The following MYH11 variants were observed in gnomAD, a reference collection of about 807,000 sequenced individuals.
MYH11 encodes myosin heavy chain 11, also known as myosin-11.
A neutral mutation model predicts 246.6 loss-of-function variants in MYH11; 80 were observed. The observed-to-expected ratio is 0.32, with a 90% CI of 0.27 to 0.39. The LOEUF is 0.39. Among genes scored for constraint, MYH11 ranks in the 10% least tolerant of loss-of-function variants. MYH11 has a pLI of 1.00. For synonymous variants in MYH11, 1,071 were observed against 1,015.5 expected (o/e 1.05, Z -1.04); for missense variants, 2,158 against 2,546.8 (o/e 0.85, Z 3.29).
At chr16:15,812,140 G>C (rs780064746) in intron 3 of MYH11, among the ~76,000 whole-genome samples, 1 of 152,132 alleles carries the variant, frequency 6.6e-6, no homozygotes, top group South Asian at 2.1e-4. Flanking sequence ...GTGGTTGCCC[G>C]GTGTCACCGA....
At chr16:15,799,056 G>T (rs912209386) in intron 3 of MYH11, among the ~76,000 whole-genome samples, 1 of 152,304 alleles carries the variant, frequency 6.6e-6, no homozygotes, top group Middle Eastern at 3.4e-3. Flanking sequence ...CCACTTCTCC[G>T]CTCTGTGGCC....
rs1555457220 is a variant in MYH11 at position 15,823,242 on chromosome 16, T to G, written c.502+13A>C. ...CCCTGGAGCTGGCCCCGTGCAGCCC[T>G]GAGTTCACTCACCTTGAAGCATGCT... On this transcript the variant is annotated intron_variant, in intron 3 of 40. Transcript: ENST00000300036. 6.2e-7 allele frequency: 1 copy of G among 1,613,910 alleles called. No individual in the cohort carries two copies. Among genetic ancestry groups the G allele is most frequent in the Non-Finnish European group, 8.5e-7 (1 of 1,180,018 alleles).
In MYH11 at chr16:15,786,618, A is replaced by G. The variant is rs779500428; in HGVS notation, c.633+12T>C. 2.5e-6 allele frequency: 4 copies of G among 1,612,052 alleles called. No individual in the cohort carries two copies. The highest frequency in any genetic ancestry group is 2.2e-5 in the South Asian group (2 of 90,952). On this transcript the variant is annotated intron_variant, in intron 5 of 40. Transcript: ENST00000300036. ...GCTAAATCATGGCCTCTGATTGGGAACTGCCACTCACCGTGATACTTGTGT... is the reference window on the plus strand; with the variant it reads ...GCTAAATCATGGCCTCTGATTGGGAGCTGCCACTCACCGTGATACTTGTGT...
rs2040650658 is a variant in MYH11 at position 15,724,530 on chromosome 16, G to A, written c.4116+117C>T. On this transcript the variant is annotated intron_variant, in intron 30 of 40. Transcript: ENST00000300036. ...TCGTTGGAGAAACCCAATAGCAGGG[G>A]AAGCTGGGGGGTCAAGCACCATCGC... 2.1e-5 allele frequency: 34 copies of A among 1,606,326 alleles called. 2 individuals are homozygous for A. In the East Asian group the frequency reaches 7.1e-4, roughly 34 times the overall value.
chr16:15,780,741 C>T (rs2042333798), intron 6 of MYH11, among the ~76,000 whole-genome samples: 1 of 151,972 alleles, frequency 6.6e-6, no homozygotes, highest in African/African-American at 2.4e-5. Context: ...ACTCAGCCTC[C>T]CAAGGTGCTG....
rs138438263 is a variant in MYH11 at position 15,738,535 on chromosome 16, T to A, written c.3121+30A>T. ...CTCTAAAAAAAATAATAAAATAAAA[T>A]AAAAATAAATCTCTTGGTAGCTGGT... On this transcript the variant is annotated intron_variant, in intron 24 of 40. Coordinates refer to ENST00000300036, the MANE Select transcript of MYH11 (RefSeq NM_002474.3). 371 of 1,586,896 alleles carry A rather than the reference T, an allele frequency of 2.3e-4. No homozygotes were observed. In the African/African-American group the frequency reaches 4.2e-3, roughly 18 times the overall value.
chr16:15,805,724 C>T (rs1288091682), intron 3 of MYH11, among the ~76,000 whole-genome samples: 1 of 151,932 alleles, frequency 6.6e-6, no homozygotes, highest in East Asian at 1.9e-4. Context: ...CCAGCCTGGG[C>T]AACATGGTGA....
At chr16:15,754,844 A>AT (rs1053953422) in intron 14 of MYH11, among the ~76,000 whole-genome samples, 2 of 151,978 alleles carry the variant, frequency 1.3e-5, no homozygotes, top group Non-Finnish European at 2.9e-5. Context: ...TAATTTTTAA[A>AT]TTTTTTTTAT....
chr16:15,756,238 G>A (rs2041711807), intron 14 of MYH11, 103 bp downstream of exon 14: 11 of 1,352,616 alleles, frequency 8.1e-6, no homozygotes, highest in African/African-American at 1.5e-5. Context: ...TGGCTTTGCA[G>A]TTTCCAGGCA....
chr16:15,769,034 C>T (rs1043622644), intron 9 of MYH11, among the ~76,000 whole-genome samples: 2 of 150,926 alleles, frequency 1.3e-5, no homozygotes, highest in African/African-American at 2.4e-5. Flanking sequence ...AACCCCAGGC[C>T]AGGCACGGTG....
At chr16:15,834,451 G>C (rs9925792) in intron 2 of MYH11, among the ~76,000 whole-genome samples, 3,904 of 151,710 alleles carry the variant, frequency 0.026, 169 homozygotes, top group African/African-American at 0.089. Context: ...ACTTCAACCC[G>C]GGAGGTGGAG....
intron 38 of MYH11, among the ~76,000 whole-genome samples, chr16:15,716,050 G>C (rs559826713): frequency 6.6e-6 from 1 of 152,078 alleles, no homozygotes; most frequent in South Asian, 2.1e-4. Context: ...GCAGTGAGCT[G>C]AGATCGCACC....
intron 3 of MYH11, 28 bp from the exon 4 acceptor site, chr16:15,798,715 C>T: frequency 6.2e-7 from 1 of 1,612,606 alleles, no homozygotes. Context: ...AAAAAAGAGC[C>T]ATGAATTAAA....
At chr16:15,814,553 C>CAAAAAAAAAAAAAAAAAAAAAA (rs58806731) in intron 3 of MYH11, among the ~76,000 whole-genome samples, 1 of 22,826 alleles carries the variant, frequency 4.4e-5, no homozygotes, top group Non-Finnish European at 1.2e-4. Context: ...AACTCCATCT[C>CAAAAAAAAAAAAAAAAAAAAAA]AAAAAAAAAA....
chr16:15,715,319 C>T (rs750733022), intron 38 of MYH11, 47 bp from the exon 39 acceptor site: 10 of 1,592,076 alleles, frequency 6.3e-6, no homozygotes, highest in East Asian at 2.2e-5. Context: ...GGGTGGCACC[C>T]CTTGTAGCTG....
rs1207722033 is a variant in MYH11 at position 15,856,996 on chromosome 16, G to C, written c.-73C>G. The stretch of plus-strand genomic sequence containing the variant: ...GAAACTGGATGGCGAGCTCGGATCT[G>C]ACGCACCTCCCAGGCCGGAGCGTCC... On this transcript the variant is annotated 5_prime_UTR_variant, in exon 1 of 41. Coordinates refer to ENST00000300036, the MANE Select transcript of MYH11 (RefSeq NM_002474.3). 1 of 152,124 alleles carries C rather than the reference G, an allele frequency of 6.6e-6. No individual in the cohort carries two copies. The highest frequency in any genetic ancestry group is 1.5e-5 in the Non-Finnish European group (1 of 68,088). 9.4% of individuals were successfully genotyped at this position (152,124 alleles called of 1,614,324 possible).
At chr16:15,771,401 A>T (rs1475693188) in intron 9 of MYH11, among the ~76,000 whole-genome samples, 168 bp downstream of exon 9, 1 of 151,284 alleles carries the variant, frequency 6.6e-6, no homozygotes, top group Non-Finnish European at 1.5e-5. Flanking sequence ...TCTACAACAC[A>T]AACAAACCAC....
chr16:15,718,483 C>G, intron 36 of MYH11, 45 bp from the exon 37 acceptor site: 1 of 1,537,098 alleles, frequency 6.5e-7, no homozygotes, highest in Non-Finnish European at 8.7e-7. Context: ...CCTCCCCCGC[C>G]TTAAAAGATG....
intron 2 of MYH11, among the ~76,000 whole-genome samples, chr16:15,827,988 C>T (rs1194797187): frequency 1.3e-5 from 2 of 152,228 alleles, no homozygotes; most frequent in African/African-American, 4.8e-5. Flanking sequence ...TGTCCACTGC[C>T]ACGCCCCTTT....
Sources: gnomAD v4.1 joint callset for allele counts (sites outside exome capture counted in the v4.1 genomes callset) on GRCh38, gnomAD v4.1.1 for gene constraint, MANE v1.5 for transcripts, NCBI Gene and HGNC (gene_info 2026-07-23, HGNC 2026-07-21) for gene names.